MED24: variants seen among roughly 807,000 people sequenced by gnomAD.
MED24 encodes the protein mediator of RNA polymerase II transcription subunit 24.
In MED24, 74 loss-of-function variants were observed where a neutral mutation model predicts 118.8. The ratio of observed to expected loss-of-function variants is 0.62; its 90% CI spans 0.52 to 0.76. The LOEUF is 0.76. Among genes scored for constraint, MED24 ranks in the 30% least tolerant of loss-of-function variants. MED24 has a pLI of 0.00. For synonymous variants in MED24, 521 were observed against 523.9 expected (o/e 0.99, Z 0.08); for missense variants, 1,041 against 1,278.9 (o/e 0.81, Z 2.84).
At chr17:40,053,995 T>C (rs1371567277) in intron 1 of MED24, 1 of 343,416 alleles carries the variant, frequency 2.9e-6, no homozygotes, top group Non-Finnish European at 5.5e-6. Context: ...CCGGGCTTGG[T>C]GGTGCATGCC....
chr17:40,019,175 A>AACACACACACACACACACACACACAC lies in MED24; in HGVS notation c.*328_*353dup, dbSNP rs59767650. The AACACACACACACACACACACACACAC allele has an allele frequency of 6.8e-6, 1 of 146,364 alleles. No individual in the cohort carries two copies. Among genetic ancestry groups the AACACACACACACACACACACACACAC allele is most frequent in the African/African-American group, 3.0e-5 (1 of 32,806 alleles). 9.1% of individuals were successfully genotyped at this position (146,364 alleles called of 1,614,324 possible). The stretch of plus-strand genomic sequence containing the variant: ...CCTCACATATTACAAAATACACACA[A>AACACACACACACACACACACACACAC]ACACACACACACACACACACACACA... On this transcript the variant is annotated 3_prime_UTR_variant, in exon 26 of 26. Coordinates refer to ENST00000394128, the MANE Select transcript of MED24 (RefSeq NM_014815.4).
Position 40,028,751 on chromosome 17 carries a change from A to G in MED24, c.1409+75T>C, listed in dbSNP as rs529451894. ...GATGAGACCCAGACCCAGGCACCTG[A>G]CTCCTACCCTGCTACCTCCTCCCAA... is the stretch of plus-strand genomic sequence containing the variant. On this transcript the variant is annotated intron_variant, in intron 14 of 25. Coordinates refer to ENST00000394128, the MANE Select transcript of MED24 (RefSeq NM_014815.4). 12 of 1,573,886 alleles carry G rather than the reference A, an allele frequency of 7.6e-6. No homozygotes were observed. The African/African-American group carries it at 1.6e-4, about 21-fold the overall frequency.
At chr17:40,028,674 C>T in intron 14 of MED24, 152 bp downstream of exon 14, 1 of 1,123,926 alleles carries the variant, frequency 8.9e-7, no homozygotes, top group Non-Finnish European at 1.3e-6. Context: ...AGAACAGGCC[C>T]TTCCTCCAAG....
intron 3 of MED24, among the ~76,000 whole-genome samples, chr17:40,046,347 G>C (rs1985195670): frequency 4.5e-4 from 1 of 2,206 alleles, no homozygotes; most frequent in Non-Finnish European, 9.3e-4. Context: ...GCCTCCCAAA[G>C]TTCCTGGGAT....
At chr17:40,053,824 T>A (rs1716436742) in intron 1 of MED24, 189 bp from the exon 2 acceptor site, 2 of 731,134 alleles carry the variant, frequency 2.7e-6, no homozygotes, top group Admixed American at 5.7e-5. Flanking sequence ...CGCCCTTCCT[T>A]AAACTGGGGC....
chr17:40,053,244 A>G (rs1986031674), intron 3 of MED24, 54 bp downstream of exon 3: 22 of 1,511,402 alleles, frequency 1.5e-5, no homozygotes. Flanking sequence ...ATGCACTCCA[A>G]GTTTTTTACC....
intron 3 of MED24, among the ~76,000 whole-genome samples, chr17:40,040,422 T>A (rs1984437334): frequency 6.6e-6 from 1 of 151,846 alleles, no homozygotes; most frequent in Non-Finnish European, 1.5e-5. Flanking sequence ...TGCCGTGTTG[T>A]CAAGGGTGGT....
Position 40,019,171 on chromosome 17 carries a change from C to CATAA in MED24, c.*357_*358insTTAT, listed in dbSNP as rs1011508870. The CATAA allele has an allele frequency of 3.0e-5, 5 of 166,870 alleles. No individual in the cohort carries two copies. The highest frequency in any genetic ancestry group is 3.1e-4 in the East Asian group (2 of 6,428). 10.3% of individuals were successfully genotyped at this position (166,870 alleles called of 1,614,324 possible). ...TTTCCCTCACATATTACAAAATACA[C>CATAA]ACAAACACACACACACACACACACA... On this transcript the variant is annotated 3_prime_UTR_variant, in exon 26 of 26. Coordinates refer to ENST00000394128, the MANE Select transcript of MED24 (RefSeq NM_014815.4).
intron 3 of MED24, among the ~76,000 whole-genome samples, chr17:40,046,118 A>ACT (rs200438190): frequency 0.083 from 10,747 of 130,258 alleles, 1,424 homozygotes; most frequent in African/African-American, 0.29. Flanking sequence ...ACGGAGTCTC[A>ACT]CTGTTGCCCA....
intron 13 of MED24, 80 bp from the exon 14 acceptor site, chr17:40,029,048 T>C (rs966500309): frequency 6.3e-7 from 1 of 1,576,184 alleles, no homozygotes; most frequent in African/African-American, 1.4e-5. Context: ...ACATTTTCTC[T>C]CTTCACAACC....
In MED24 at chr17:40,032,648, C is replaced by T. The variant is rs775726123; in HGVS notation, c.936+1G>A. On this transcript the variant is annotated splice_donor_variant, in intron 9 of 25. Transcript: ENST00000394128. LOFTEE classifies it high-confidence loss of function. ...CTCTGCCCCTCCCACGTCCCCAGTACCTTGAGGAAAGTGAAAGCTGTCCAC... is the reference window on the plus strand; with the variant it reads ...CTCTGCCCCTCCCACGTCCCCAGTATCTTGAGGAAAGTGAAAGCTGTCCAC... 6.2e-7 allele frequency: 1 copy of T among 1,609,954 alleles called. No individual in the cohort carries two copies. Among genetic ancestry groups the T allele is most frequent in the African/African-American group, 1.3e-5 (1 of 74,842 alleles).
intron 1 of MED24, 33 bp from the exon 2 acceptor site, chr17:40,053,668 G>A: frequency 6.2e-7 from 1 of 1,611,206 alleles, no homozygotes; most frequent in Non-Finnish European, 8.5e-7. Context: ...CTAAAGAAAA[G>A]GACATGAGGT....
intron 16 of MED24, 91 bp from the exon 17 acceptor site, chr17:40,027,125 T>TGCTCCAGCCCAGCCC (rs1982759586): frequency 6.8e-7 from 1 of 1,481,404 alleles, no homozygotes; most frequent in African/African-American, 1.4e-5. Flanking sequence ...CCCGCCAGGC[T>TGCTCCAGCCCAGCCC]GCTGCTCCAG....
rs183983029 is a variant in MED24, at chr17:40,022,377, G to A, written c.2523+17C>T. 3.5e-3 allele frequency: 5,665 copies of A among 1,597,996 alleles called. 13 individuals carry two copies. Among genetic ancestry groups the A allele is most frequent in the Middle Eastern group, 7.8e-3 (47 of 6,040 alleles). On this transcript the variant is annotated intron_variant, in intron 22 of 25. Coordinates refer to ENST00000394128, the MANE Select transcript of MED24 (RefSeq NM_014815.4). ...CGGTGAACAAGTGAAGCCGGCGAGG[G>A]CAGCTGGGGGGCCTACCTCAATGTC... is the stretch of plus-strand genomic sequence containing the variant.
chr17:40,024,881 G>A (rs143199581), intron 19 of MED24, among the ~76,000 whole-genome samples: 7,730 of 152,104 alleles, frequency 0.051, 294 homozygotes, highest in Non-Finnish European at 0.079. Context: ...GATTGCAGGC[G>A]CCTGCCACCA....
intron 23 of MED24, chr17:40,020,623 C>T (rs1981860587): frequency 2.0e-6 from 1 of 497,622 alleles, no homozygotes; most frequent in African/African-American, 2.0e-5. Context: ...CTCATCTCTA[C>T]AAAAAATACA....
intron 15 of MED24, 181 bp downstream of exon 15, chr17:40,027,728 G>A: frequency 1.4e-6 from 1 of 735,820 alleles, no homozygotes; most frequent in Non-Finnish European, 2.3e-6. Context: ...GATGGTCTGG[G>A]AAGAATCCTT....
intron 3 of MED24, among the ~76,000 whole-genome samples, chr17:40,038,709 C>CA (rs547061911): frequency 9.2e-3 from 775 of 84,206 alleles, no homozygotes; most frequent in African/African-American, 0.017. Context: ...GACTCCATCT[C>CA]AAAAAAAAAA....
Position 40,021,973 on chromosome 17 carries a change from T to G in MED24, c.2605A>C (p.Asn869His). The G allele has an allele frequency of 6.2e-7, 1 of 1,604,790 alleles. No homozygotes were observed. The highest frequency in any genetic ancestry group is 8.5e-7 in the Non-Finnish European group (1 of 1,175,508). ...RLLSSNEDDANILSSPTDRSM... is the reference protein window; with the variant it reads ...RLLSSNEDDAHILSSPTDRSM... Reference sequence around the variant, plus strand: ...CACTCACTGGGGCTCGAAAGGATGTTGGCATCGTCCTCATTAGAGCTCAGC... The same window carrying G: ...CACTCACTGGGGCTCGAAAGGATGTGGGCATCGTCCTCATTAGAGCTCAGC... The change falls in exon 23 of 26, where the codon AAC (asparagine) becomes CAC (histidine). Residue 869 changes from asparagine (N) to histidine (H), a missense_variant. Asn to His is a moderately conservative substitution (Grantham distance 68). Around this residue, in one of 3 missense-constraint regions of MED24, gnomAD observed 587 missense variants for 694.4 expected, o/e 0.85. Transcript: ENST00000394128.
Sources: allele counts gnomAD v4.1 joint callset (sites outside exome capture counted in the v4.1 genomes callset), GRCh38; gene constraint gnomAD v4.1.1; regional missense constraint gnomAD v4.1.1; transcripts MANE v1.5; gene names NCBI Gene and HGNC (gene_info 2026-07-23, HGNC 2026-07-21).